PCDHA13: variants seen among roughly 807,000 people sequenced by gnomAD.
PCDHA13 encodes protocadherin alpha 13, also known as protocadherin alpha-13.
Under a neutral mutation model 64.8 loss-of-function variants are expected in PCDHA13, and 54 were observed. The ratio of observed to expected loss-of-function variants is 0.83; its 90% CI spans 0.67 to 1.04. PCDHA13 has a LOEUF of 1.04. Among genes scored for constraint, PCDHA13 ranks in the 50% least tolerant of loss-of-function variants. PCDHA13 has a pLI of 0.00. For missense variants in PCDHA13, 1,248 were observed against 1,254.3 expected (o/e 0.99, Z 0.08); for synonymous variants, 587 against 564.4 (o/e 1.04, Z -0.57).
intron 1 of PCDHA13, chr5:140,969,181 T>C (rs1554231546): frequency 1.2e-6 from 2 of 1,613,978 alleles, no homozygotes; most frequent in Non-Finnish European, 8.5e-7. Flanking sequence ...GGAGTGACAC[T>C]TTCATGTTTT....
chr5:141,009,929 G>T lies in PCDHA13; in HGVS notation c.2845G>T (p.Asp949Tyr). Residue 949 changes from aspartate to tyrosine, a missense_variant, in exon 4 of 4, where the codon GAC becomes TAC. Transcript: ENST00000289272. Reference protein sequence around the residue: ...EKGNSTTDNSDQ With the variant: ...EKGNSTTDNSYQ ...AGGGAACAGCACGACTGACAACAGT[G>T]ACCAGTGAGGTCCTCAAATGGAAAC... 1 of 1,603,730 alleles carries T rather than the reference G, an allele frequency of 6.2e-7. No homozygotes were observed. The highest frequency in any genetic ancestry group is 1.1e-5 in the South Asian group (1 of 89,000).
intron 3 of PCDHA13, among the ~76,000 whole-genome samples, chr5:140,992,192 C>T (rs2097497943): frequency 6.6e-6 from 1 of 152,124 alleles, no homozygotes; most frequent in Admixed American, 6.5e-5. Flanking sequence ...TTTCAGTGAT[C>T]TATCCAATCA....
intron 1 of PCDHA13, among the ~76,000 whole-genome samples, chr5:140,942,118 A>C (rs554488765): frequency 1.3e-5 from 2 of 152,360 alleles, no homozygotes; most frequent in East Asian, 3.9e-4. Flanking sequence ...AAACTTTATT[A>C]AAGGTGATAT....
intron 1 of PCDHA13, among the ~76,000 whole-genome samples, chr5:140,911,786 TG>T (rs1394803815): frequency 6.6e-6 from 1 of 152,212 alleles, no homozygotes; most frequent in Non-Finnish European, 1.5e-5. Flanking sequence ...TTAGCATTTT[TG>T]GGTCTAATCA....
At chr5:141,002,595 C>T (rs2098087240) in intron 3 of PCDHA13, among the ~76,000 whole-genome samples, 2 of 152,192 alleles carry the variant, frequency 1.3e-5, no homozygotes, top group Admixed American at 1.3e-4. Context: ...TTAGTCCCCT[C>T]ATCTATAAAA....
intron 1 of PCDHA13, among the ~76,000 whole-genome samples, chr5:140,936,526 C>T (rs183606913): frequency 6.6e-6 from 1 of 152,302 alleles, no homozygotes; most frequent in East Asian, 1.9e-4. Flanking sequence ...CCTGAAATTG[C>T]TTTTGAATAT....
intron 1 of PCDHA13, chr5:140,966,627 C>G: frequency 6.3e-6 from 6 of 951,596 alleles, no homozygotes; most frequent in Non-Finnish European, 8.6e-6. Flanking sequence ...AGGGAGCGGC[C>G]CCAGGCGCTT....
chr5:140,885,011 C>T (rs545880418), intron 1 of PCDHA13, among the ~76,000 whole-genome samples: 16 of 152,240 alleles, frequency 1.1e-4, no homozygotes, highest in Admixed American at 5.9e-4. Context: ...TGAGGCTAAT[C>T]GTAATCTTAA....
In PCDHA13 at chr5:140,967,952, C is replaced by T. The variant is rs562783714; in HGVS notation, c.2395-10997C>T. ...CAGTGTCAATGACCAAGACTCAGGC[C>T]CCAACCGGAAAGTGAGCCTGGGTCT... is the stretch of plus-strand genomic sequence containing the variant. On this transcript the variant is annotated intron_variant, in intron 1 of 3. Coordinates refer to ENST00000289272, the MANE Select transcript of PCDHA13 (RefSeq NM_018904.3). The T allele has an allele frequency of 3.1e-6, 5 of 1,614,176 alleles. No individual in the cohort carries two copies. In the African/African-American group the frequency reaches 6.7e-5, roughly 22 times the overall value.
Position 140,882,132 on chromosome 5 carries a change from A to G in PCDHA13, c.-137A>G. The G allele has an allele frequency of 6.8e-7, 1 of 1,475,878 alleles. No homozygotes were observed. The highest frequency in any genetic ancestry group is 9.1e-7 in the Non-Finnish European group (1 of 1,103,892). 91.4% of individuals were successfully genotyped at this position (1,475,878 alleles called of 1,614,324 possible). The stretch of plus-strand genomic sequence containing the variant: ...AAAGCCGCCGTTTCTTTCTTCCTGC[A>G]GAAAATATAGCAGAAAGCGGAATAC... On this transcript the variant is annotated 5_prime_UTR_variant, in exon 1 of 4. Coordinates refer to ENST00000289272, the MANE Select transcript of PCDHA13 (RefSeq NM_018904.3).
chr5:140,974,456 A>G (rs957426015), intron 1 of PCDHA13, among the ~76,000 whole-genome samples: 2 of 152,230 alleles, frequency 1.3e-5, no homozygotes, highest in Non-Finnish European at 2.9e-5. Context: ...AAATGACTAC[A>G]TTCAGAGGAA....
At chr5:140,917,047 G>A (rs183820401) in intron 1 of PCDHA13, among the ~76,000 whole-genome samples, 11 of 152,262 alleles carry the variant, frequency 7.2e-5, no homozygotes, top group Admixed American at 5.2e-4. Context: ...GCACAGTGTT[G>A]TTCCCTGCTA....
intron 3 of PCDHA13, among the ~76,000 whole-genome samples, chr5:140,989,624 G>C (rs527255277): frequency 6.6e-6 from 1 of 152,208 alleles, no homozygotes; most frequent in Non-Finnish European, 1.5e-5. Context: ...GTCTGTCCTA[G>C]TGACAGCAAG....
intron 1 of PCDHA13, chr5:140,927,348 C>T (rs2153588187): frequency 1.2e-6 from 2 of 1,613,982 alleles, no homozygotes; most frequent in South Asian, 1.1e-5. Flanking sequence ...AAGATGACGA[C>T]GAGGGAAGCA....
intron 1 of PCDHA13, among the ~76,000 whole-genome samples, chr5:140,919,778 A>G (rs1252402940): frequency 2.6e-5 from 4 of 152,170 alleles, no homozygotes; most frequent in Non-Finnish European, 5.9e-5. Context: ...TGTTACACAT[A>G]TTACATCTTG....
At chr5:140,960,186 G>A (rs2153724328) in intron 1 of PCDHA13, among the ~76,000 whole-genome samples, 1 of 152,260 alleles carries the variant, frequency 6.6e-6, no homozygotes, top group East Asian at 1.9e-4. Flanking sequence ...GGGGTTGCAT[G>A]TGTAGTGGTC....
intron 1 of PCDHA13, chr5:140,969,451 T>C (rs1016577934): frequency 3.3e-6 from 5 of 1,511,952 alleles, no homozygotes; most frequent in Non-Finnish European, 3.6e-6. Context: ...GTAAACTGAG[T>C]ATATATAGTA....
intron 1 of PCDHA13, among the ~76,000 whole-genome samples, chr5:140,950,195 C>T (rs186601471): frequency 6.6e-6 from 1 of 152,028 alleles, no homozygotes; most frequent in South Asian, 2.1e-4. Flanking sequence ...AAAAAATAGT[C>T]ATTTCTGTTT....
chr5:140,923,804 A>G (rs782008903), intron 1 of PCDHA13, among the ~76,000 whole-genome samples: 30 of 152,222 alleles, frequency 2.0e-4, no homozygotes, highest in Admixed American at 3.9e-4. Flanking sequence ...CACAAATGAA[A>G]TCTTCTGAAA....
Sources: allele counts gnomAD v4.1 joint callset (sites outside exome capture counted in the v4.1 genomes callset), GRCh38; gene constraint gnomAD v4.1.1; transcripts MANE v1.5; gene names NCBI Gene and HGNC (gene_info 2026-07-23, HGNC 2026-07-21).